Variants in ABHD12 observed in about 807,000 individuals in gnomAD.
ABHD12 encodes the protein lysophosphatidylserine lipase ABHD12.
Under a neutral mutation model 58.3 loss-of-function variants are expected in ABHD12, and 43 were observed. That is an observed-to-expected ratio of 0.74 (90% confidence interval 0.58 to 0.95). The LOEUF is 0.95. ABHD12 is among the 40% of genes least tolerant of loss of function. The pLI, the probability that ABHD12 is intolerant of heterozygous loss-of-function variation, is 0.00. For missense variants in ABHD12, 539 were observed against 537.2 expected, an observed-to-expected ratio of 1.00 and a Z score of -0.03; for synonymous variants, 219 against 211.2, an observed-to-expected ratio of 1.04 and a Z score of -0.32.
chr20:25,377,975 C>T (rs542018806), intron 1 of ABHD12, among the ~76,000 whole-genome samples: 6 of 152,172 alleles, frequency 3.9e-5, no homozygotes, highest in African/African-American at 1.2e-4. Flanking sequence ...GGATGACAGG[C>T]GTGGGCCACC....
chr20:25,371,882 C>T (rs1322945664), intron 1 of ABHD12, among the ~76,000 whole-genome samples: 1 of 152,194 alleles, frequency 6.6e-6, no homozygotes, highest in Non-Finnish European at 1.5e-5. Context: ...CTAAAGTCAT[C>T]AATTGAAGAT....
At chr20:25,321,040 A>G (rs1024746334) in intron 3 of ABHD12, among the ~76,000 whole-genome samples, 1 of 152,200 alleles carries the variant, frequency 6.6e-6, no homozygotes, top group Admixed American at 6.5e-5. Context: ...TACCAGTGAC[A>G]AGAATCTTTA....
At chr20:25,301,663 G>A (rs1017938034) in intron 12 of ABHD12, among the ~76,000 whole-genome samples, 1 of 152,240 alleles carries the variant, frequency 6.6e-6, no homozygotes, top group Admixed American at 6.5e-5. Context: ...GTACAGAGGA[G>A]GCCGGGGGTT....
At position 25,317,102 on chromosome 20, in the gene ABHD12, T is replaced by C; in HGVS notation, c.543-24A>G. ...CTCTGGAGAAGAAAACAGGACATGG[T>C]GTGAGCACATCTTCTCAGAGTTGGG... On this transcript the variant is annotated intron_variant, in intron 4 of 12. Transcript: ENST00000339157. The C allele has an allele frequency of 3.7e-6, 6 of 1,600,900 alleles. No individual in the cohort carries two copies. In the South Asian group the frequency reaches 6.6e-5, roughly 18 times the overall value.
chr20:25,319,992 C>T (rs2089036241), intron 4 of ABHD12, among the ~76,000 whole-genome samples: 1 of 152,240 alleles, frequency 6.6e-6, no homozygotes, highest in South Asian at 2.1e-4. Flanking sequence ...GTAAACGTCA[C>T]CTAAACTCCG....
chr20:25,308,414 C>G, intron 8 of ABHD12, 43 bp downstream of exon 8: 1 of 1,602,786 alleles, frequency 6.2e-7, no homozygotes, highest in Non-Finnish European at 8.5e-7. Flanking sequence ...GGGGAGCACC[C>G]TGAATGCTCA....
chr20:25,362,196 C>T (rs371852755), intron 1 of ABHD12, among the ~76,000 whole-genome samples: 2 of 151,592 alleles, frequency 1.3e-5, no homozygotes, highest in Admixed American at 1.3e-4. Context: ...AGGAGAAGCA[C>T]TTGAACCCAG....
Position 25,376,323 on chromosome 20 carries a change from A to C in ABHD12, c.191+14190T>G, listed in dbSNP as rs919167618. Among the ~76,000 whole-genome samples, 11 of 152,298 alleles carry C rather than the reference A, an allele frequency of 7.2e-5. No homozygotes were observed. The South Asian group carries it at 1.0e-3, about 14-fold the overall frequency. On this transcript the variant is annotated intron_variant, in intron 1 of 12. Coordinates refer to ENST00000339157, the MANE Select transcript of ABHD12 (RefSeq NM_001042472.3). ...TTCTTAGCTTTTAGGCGGAAATCTT[A>C]ACAACAATCTCCATAATCATATTCA...
At chr20:25,315,363 G>A (rs1159493028) in intron 5 of ABHD12, among the ~76,000 whole-genome samples, 2 of 152,198 alleles carry the variant, frequency 1.3e-5, no homozygotes, top group African/African-American at 4.8e-5. Context: ...ACTGTGCAGA[G>A]ACCCCATCTG....
intron 1 of ABHD12, among the ~76,000 whole-genome samples, chr20:25,375,612 G>A (rs1274657727): frequency 5.3e-5 from 8 of 152,120 alleles, no homozygotes; most frequent in South Asian, 2.1e-4. Flanking sequence ...GTGCCATGGC[G>A]TGGAAGCTCT....
intron 1 of ABHD12, among the ~76,000 whole-genome samples, chr20:25,348,918 T>C (rs2089558367): frequency 1.3e-5 from 2 of 151,180 alleles, no homozygotes; most frequent in Non-Finnish European, 3.0e-5. Flanking sequence ...CCGTCTCTAC[T>C]AAAAATACAA....
chr20:25,345,644 A>G (rs1275009729), intron 1 of ABHD12, among the ~76,000 whole-genome samples: 1 of 152,256 alleles, frequency 6.6e-6, no homozygotes. Context: ...GGACCTGAAC[A>G]GACACCTCTC....
intron 1 of ABHD12, among the ~76,000 whole-genome samples, chr20:25,386,481 C>T (rs938804680): frequency 1.3e-5 from 2 of 151,834 alleles, no homozygotes; most frequent in Non-Finnish European, 2.9e-5. Flanking sequence ...AGGATGGTCT[C>T]GATCTCCTGA....
chr20:25,296,756 C>G (rs202175497), downstream of ABHD12: 29 of 557,562 alleles, frequency 5.2e-5, no homozygotes, highest in Non-Finnish European at 7.6e-5. Flanking sequence ...TACAAAGGGT[C>G]GTGGCCAGCC....
At chr20:25,380,331 G>A (rs2090008000) in intron 1 of ABHD12, among the ~76,000 whole-genome samples, 1 of 152,008 alleles carries the variant, frequency 6.6e-6, no homozygotes, top group Admixed American at 6.6e-5. Flanking sequence ...GCGCGATTTT[G>A]GCTAATATAT....
At chr20:25,339,764 G>A (rs185329556) in intron 1 of ABHD12, 22 of 1,289,704 alleles carry the variant, frequency 1.7e-5, no homozygotes, top group Middle Eastern at 2.2e-4. Flanking sequence ...GCAGGCAGGC[G>A]TAGGTTACTT....
chr20:25,335,197 C>T (rs1466547217), intron 2 of ABHD12, among the ~76,000 whole-genome samples: 2 of 152,190 alleles, frequency 1.3e-5, no homozygotes, highest in Admixed American at 1.3e-4. Flanking sequence ...CAAAAAAACA[C>T]ATGAAAAAAT....
At chr20:25,353,693 C>G (rs2089631671) in intron 1 of ABHD12, among the ~76,000 whole-genome samples, 1 of 152,126 alleles carries the variant, frequency 6.6e-6, no homozygotes, top group Admixed American at 6.6e-5. Flanking sequence ...TTCCAAGGTC[C>G]AGGAAATAAG....
chr20:25,355,830 T>G (rs1322677794), intron 1 of ABHD12, among the ~76,000 whole-genome samples: 1 of 151,996 alleles, frequency 6.6e-6, no homozygotes, highest in African/African-American at 2.4e-5. Flanking sequence ...GTGCTGGGAT[T>G]ACAGGCGTGA....
Sources: allele counts gnomAD v4.1 joint callset (sites outside exome capture counted in the v4.1 genomes callset), GRCh38; gene constraint gnomAD v4.1.1; transcripts MANE v1.5; gene names NCBI Gene and HGNC (gene_info 2026-07-23, HGNC 2026-07-21).